The following ACAD10 variants were observed in gnomAD, a reference collection of about 807,000 sequenced individuals.
The protein encoded by ACAD10 is acyl-CoA dehydrogenase family member 10.
In ACAD10, 112 loss-of-function variants were observed where a neutral mutation model predicts 116.8. That is an observed-to-expected ratio of 0.96 (90% CI 0.82 to 1.12). ACAD10 has a LOEUF of 1.12. Ranked by LOEUF, ACAD10 falls within the 50% of genes most tolerant of loss-of-function variation. The pLI is 0.00. For synonymous variants in ACAD10, 486 were observed against 510.6 expected, an observed-to-expected ratio of 0.95 and a Z score of 0.65; for missense variants, 1,259 against 1,350.2, an observed-to-expected ratio of 0.93 and a Z score of 1.06.
intron 8 of ACAD10, among the ~76,000 whole-genome samples, chr12:111,724,003 G>A (rs1049690392): frequency 5.3e-5 from 8 of 151,916 alleles, no homozygotes; most frequent in East Asian, 2.0e-4. Flanking sequence ...GCCAGGCAGA[G>A]ACGCTCCTCA....
Position 111,736,950 on chromosome 12 carries a change from T to A in ACAD10, c.1660T>A (p.Ser554Thr). 6.2e-7 allele frequency: 1 copy of A among 1,614,028 alleles called. No individual in the cohort carries two copies. The highest frequency in any genetic ancestry group is 8.5e-7 in the Non-Finnish European group (1 of 1,179,964). ...TENWNFYMAF[S>T]FFRVAAILQG... The stretch of plus-strand genomic sequence containing the variant: ...GAACTGGAACTTCTATATGGCTTTT[T>A]CCTTTTTCCGTGTGGCTGCAATCCT... Residue 554 changes from serine to threonine, a missense_variant, in exon 12 of 21, where the codon TCC becomes ACC. Coordinates refer to ENST00000313698, the MANE Select transcript of ACAD10 (RefSeq NM_025247.6).
chr12:111,688,770 C>G (rs1264520570), intron 1 of ACAD10, among the ~76,000 whole-genome samples: 1 of 151,428 alleles, frequency 6.6e-6, no homozygotes, highest in Non-Finnish European at 1.5e-5. Context: ...CCATTGCACT[C>G]CAGCCTGGGC....
intron 1 of ACAD10, among the ~76,000 whole-genome samples, chr12:111,692,307 G>A (rs1342415810): frequency 1.3e-5 from 2 of 152,188 alleles, no homozygotes; most frequent in Admixed American, 6.5e-5. Flanking sequence ...ACTGGAGGGT[G>A]AAGAAAGAAT....
chr12:111,714,975 C>G (rs1250596719), intron 6 of ACAD10, among the ~76,000 whole-genome samples: 1 of 152,136 alleles, frequency 6.6e-6, no homozygotes, highest in Non-Finnish European at 1.5e-5. Context: ...CTTGGCCTCC[C>G]AAAGTGCTGG....
chr12:111,692,605 A>G, intron 1 of ACAD10, 92 bp from the exon 2 acceptor site: 1 of 1,290,460 alleles, frequency 7.7e-7, no homozygotes, highest in Non-Finnish European at 1.1e-6. Context: ...GATGGGTTAG[A>G]GATGTCTGGC....
intron 8 of ACAD10, among the ~76,000 whole-genome samples, chr12:111,723,329 C>CT (rs1393483144): frequency 7.1e-6 from 1 of 141,192 alleles, no homozygotes; most frequent in Non-Finnish European, 1.6e-5. Flanking sequence ...GGCTGACCCC[C>CT]CCACCTCCCT....
Position 111,728,148 on chromosome 12 carries a change from G to T in ACAD10, c.1243+5G>T. 6.3e-7 allele frequency: 1 copy of T among 1,592,766 alleles called. No homozygotes were observed. Among genetic ancestry groups the T allele is most frequent in the South Asian group, 1.1e-5 (1 of 87,914 alleles). On this transcript the variant is annotated splice_donor_5th_base_variant and intron_variant, in intron 9 of 20. Transcript: ENST00000313698. ...TTGAAGACTATGGGAAGCAAGGTGA[G>T]CAGGAGGCCACGTCTCCCATGCTGG... is the stretch of plus-strand genomic sequence containing the variant.
chr12:111,719,837 C>T (rs1170972841), intron 7 of ACAD10, among the ~76,000 whole-genome samples: 1 of 152,164 alleles, frequency 6.6e-6, no homozygotes, highest in Non-Finnish European at 1.5e-5. Flanking sequence ...ACGCCATTCT[C>T]CTGCCTCAGC....
intron 7 of ACAD10, among the ~76,000 whole-genome samples, chr12:111,721,126 A>C (rs570089032): frequency 6.6e-6 from 1 of 152,186 alleles, no homozygotes; most frequent in South Asian, 2.1e-4. Context: ...TTTGAGTTTA[A>C]TGTAATTATT....
intron 12 of ACAD10, among the ~76,000 whole-genome samples, chr12:111,739,911 G>T (rs1357141882): frequency 6.6e-6 from 1 of 152,190 alleles, no homozygotes; most frequent in Non-Finnish European, 1.5e-5. Flanking sequence ...GATAGTCGAT[G>T]ATATGAAGAA....
At chr12:111,739,619 C>G (rs1057163291) in intron 12 of ACAD10, among the ~76,000 whole-genome samples, 41 of 152,044 alleles carry the variant, frequency 2.7e-4, no homozygotes, top group Middle Eastern at 3.4e-3. Flanking sequence ...TTAGCCAGGC[C>G]TGGTGGCGGG....
chr12:111,741,318 G>A (rs1167066643), intron 12 of ACAD10, among the ~76,000 whole-genome samples: 1 of 152,162 alleles, frequency 6.6e-6, no homozygotes, highest in African/African-American at 2.4e-5. Context: ...TTATGGTGAT[G>A]AATAGTCCTG....
In ACAD10 at chr12:111,693,022, G is replaced by A. The variant is rs916592677; in HGVS notation, c.187+126G>A. The A allele has an allele frequency of 9.1e-6, 10 of 1,099,346 alleles. No homozygotes were observed. The Admixed American group carries it at 1.3e-4, about 14-fold the overall frequency. The allele number at this position is 1,099,346 out of a possible 1,614,324, so 68.1% of individuals were successfully genotyped here. A position where few individuals can be genotyped will look rare whatever the true frequency, so the allele number is the denominator to read the frequency against. ...CCCAGCAGGCCATGCTCTGGCTCTCGAGTCGAATTCCAAGCACCACTAGGG... is the reference window on the plus strand; with the variant it reads ...CCCAGCAGGCCATGCTCTGGCTCTCAAGTCGAATTCCAAGCACCACTAGGG... On this transcript the variant is annotated intron_variant, in intron 2 of 20. Coordinates refer to ENST00000313698, the MANE Select transcript of ACAD10 (RefSeq NM_025247.6).
intron 13 of ACAD10, 69 bp from the exon 14 acceptor site, chr12:111,746,075 T>A: frequency 6.4e-7 from 1 of 1,566,306 alleles, no homozygotes; most frequent in Non-Finnish European, 8.6e-7. Context: ...TCCCTTTCAT[T>A]GTTTTCCACG....
intron 12 of ACAD10, among the ~76,000 whole-genome samples, chr12:111,743,369 G>GGTTTTTTTTTTTTTTTTTTTTT (rs1480851869): frequency 7.3e-6 from 1 of 136,436 alleles, no homozygotes. Flanking sequence ...GAAATATTCT[G>GGTTTTTTTTTTTTTTTTTTTTT]TTTTTTTTTT....
At chr12:111,706,632 T>C (rs904132189) in intron 4 of ACAD10, among the ~76,000 whole-genome samples, 3 of 151,414 alleles carry the variant, frequency 2.0e-5, no homozygotes, top group Non-Finnish European at 2.9e-5. Context: ...ATATTTTTAG[T>C]AGAGACGGGG....
At chr12:111,710,921 C>T (rs928264319) in intron 5 of ACAD10, among the ~76,000 whole-genome samples, 2 of 152,080 alleles carry the variant, frequency 1.3e-5, no homozygotes, top group African/African-American at 4.8e-5. Context: ...TTTTGTGAAC[C>T]GTTGACCAGT....
intron 2 of ACAD10, among the ~76,000 whole-genome samples, chr12:111,694,733 A>G (rs1593013208): frequency 6.6e-6 from 1 of 152,164 alleles, no homozygotes; most frequent in Non-Finnish European, 1.5e-5. Flanking sequence ...TTTCTAAAAC[A>G]TGGATCGTGC....
At position 111,744,717 on chromosome 12, in the gene ACAD10, G is replaced by T. The variant is rs377499155; in HGVS notation, c.1789G>T (p.Ala597Ser). ...TGTGTCTAACCTGGCGTGGGATTTCGCAGTCAAAGAAGGGTTCCGGGTTTT... is the reference window on the plus strand; with the variant it reads ...TGTGTCTAACCTGGCGTGGGATTTCTCAGTCAAAGAAGGGTTCCGGGTTTT... ...EFVSNLAWDF[A>S]VKEGFRVFKE... The change falls in exon 13 of 21, where the codon GCA becomes TCA. Residue 597 changes from alanine to serine, a missense_variant. By Grantham distance (99) the Ala-to-Ser change is moderately conservative. Coordinates refer to ENST00000313698, the MANE Select transcript of ACAD10 (RefSeq NM_025247.6). The T allele has an allele frequency of 2.5e-6, 4 of 1,614,082 alleles. No individual in the cohort carries two copies. The Admixed American group carries it at 6.7e-5, about 27-fold the overall frequency.
Sources: allele counts gnomAD v4.1 joint callset (sites outside exome capture counted in the v4.1 genomes callset), GRCh38; gene constraint gnomAD v4.1.1; transcripts MANE v1.5; gene names NCBI Gene and HGNC (gene_info 2026-07-23, HGNC 2026-07-21).